Variants in OXCT1 observed in about 807,000 individuals in gnomAD.
OXCT1 encodes the protein 3-oxoacid CoA-transferase 1.
Under a neutral mutation model 69.6 loss-of-function variants are expected in OXCT1, and 27 were observed. That is an observed-to-expected ratio of 0.39 (90% CI 0.29 to 0.54). The LOEUF (loss-of-function observed/expected upper bound fraction) is 0.54, where lower values mean the gene tolerates loss of function less well. Among genes scored for constraint, OXCT1 ranks in the 20% least tolerant of loss-of-function variants. The pLI is 0.72. For synonymous variants in OXCT1, 202 were observed against 217.8 expected (o/e 0.93, Z 0.64); for missense variants, 437 against 650.2 (o/e 0.67, Z 3.57).
intron 13 of OXCT1, among the ~76,000 whole-genome samples, chr5:41,778,864 G>A (rs1349201275): frequency 1.3e-5 from 2 of 152,140 alleles, no homozygotes; most frequent in African/African-American, 4.8e-5. Flanking sequence ...GTTATAATTT[G>A]TCTTTCTTTT....
chr5:41,802,927 A>G, intron 10 of OXCT1, 142 bp downstream of exon 10: 2 of 663,516 alleles, frequency 3.0e-6, no homozygotes, highest in Non-Finnish European at 5.4e-6. Context: ...AGGTTTCAGC[A>G]TTATACAATT....
chr5:41,854,255 T>G (rs1250329139), intron 3 of OXCT1, among the ~76,000 whole-genome samples: 1 of 152,194 alleles, frequency 6.6e-6, no homozygotes, highest in Non-Finnish European at 1.5e-5. Context: ...TTATATATAC[T>G]ATAGTTTAAT....
intron 13 of OXCT1, among the ~76,000 whole-genome samples, chr5:41,765,685 A>C (rs1744564907): frequency 6.6e-6 from 1 of 152,156 alleles, no homozygotes; most frequent in Non-Finnish European, 1.5e-5. Context: ...ATGCTGTCCT[A>C]GGCAGAGTAA....
chr5:41,790,554 A>C (rs1745867612), intron 13 of OXCT1, among the ~76,000 whole-genome samples: 2 of 152,228 alleles, frequency 1.3e-5, no homozygotes, highest in Non-Finnish European at 2.9e-5. Context: ...CTGAAGGCTT[A>C]ATGTTTATTG....
At chr5:41,784,886 A>G (rs1745574173) in intron 13 of OXCT1, among the ~76,000 whole-genome samples, 1 of 152,198 alleles carries the variant, frequency 6.6e-6, no homozygotes, top group African/African-American at 2.4e-5. Context: ...AGTAAGAGAA[A>G]TTTTCCTGAC....
chr5:41,743,619 C>A (rs1179777758), intron 15 of OXCT1, among the ~76,000 whole-genome samples: 1 of 152,186 alleles, frequency 6.6e-6, no homozygotes, highest in Non-Finnish European at 1.5e-5. Context: ...TTAGGTCTAA[C>A]ATTTAACTCT....
chr5:41,850,226 T>A, intron 4 of OXCT1, 47 bp from the exon 5 acceptor site: 1 of 1,607,314 alleles, frequency 6.2e-7, no homozygotes, highest in Non-Finnish European at 8.5e-7. Flanking sequence ...AGCACACTTC[T>A]CTATGTGGAC....
At chr5:41,795,336 CA>C (rs1436274800) in intron 11 of OXCT1, among the ~76,000 whole-genome samples, 1 of 152,176 alleles carries the variant, frequency 6.6e-6, no homozygotes, top group African/African-American at 2.4e-5. Context: ...GTCCACAGCC[CA>C]GGGGTTAGGG....
At chr5:41,867,293 C>T (rs1345505338) in intron 1 of OXCT1, among the ~76,000 whole-genome samples, 5 of 152,114 alleles carry the variant, frequency 3.3e-5, no homozygotes, top group African/African-American at 9.7e-5. Flanking sequence ...ACCAACTATA[C>T]AAAATACTGG....
At chr5:41,809,420 G>A (rs942190625) in intron 7 of OXCT1, among the ~76,000 whole-genome samples, 1 of 151,984 alleles carries the variant, frequency 6.6e-6, no homozygotes, top group African/African-American at 2.4e-5. Context: ...AAAATAGAGA[G>A]TCTAAGAAAA....
chr5:41,778,369 T>A (rs77608458), intron 13 of OXCT1, among the ~76,000 whole-genome samples: 1 of 152,198 alleles, frequency 6.6e-6, no homozygotes, highest in African/African-American at 2.4e-5. Context: ...ATAATTCCAC[T>A]ACACTGGTTA....
At chr5:41,811,433 T>C (rs532713598) in intron 7 of OXCT1, among the ~76,000 whole-genome samples, 6 of 152,162 alleles carry the variant, frequency 3.9e-5, no homozygotes, top group African/African-American at 7.2e-5. Context: ...AGGTCTATCA[T>C]GTATCAAAAA....
At chr5:41,841,437 C>T (rs1015239223) in intron 6 of OXCT1, among the ~76,000 whole-genome samples, 1 of 152,126 alleles carries the variant, frequency 6.6e-6, no homozygotes, top group African/African-American at 2.4e-5. Context: ...GCAAAGGAGT[C>T]CCAAGTCCCC....
intron 7 of OXCT1, among the ~76,000 whole-genome samples, chr5:41,812,263 T>A (rs773427441): frequency 6.6e-6 from 1 of 152,016 alleles, no homozygotes. Context: ...TATATCCTGG[T>A]CTTTGAAGAA....
At chr5:41,803,188 C>T in intron 9 of OXCT1, 25 bp from the exon 10 acceptor site, 1 of 1,469,596 alleles carries the variant, frequency 6.8e-7, no homozygotes, top group Non-Finnish European at 9.5e-7. Flanking sequence ...TGTTAAGGTC[C>T]AGCATATAAA....
At chr5:41,787,654 A>G (rs1745706487) in intron 13 of OXCT1, among the ~76,000 whole-genome samples, 1 of 150,832 alleles carries the variant, frequency 6.6e-6, no homozygotes. Flanking sequence ...AAAAAAAAAA[A>G]AAAAGCCCAA....
chr5:41,812,711 A>AT (rs886742394), intron 7 of OXCT1, among the ~76,000 whole-genome samples: 2 of 151,730 alleles, frequency 1.3e-5, no homozygotes, highest in African/African-American at 4.8e-5. Context: ...GTTCAATTTT[A>AT]TTTTTTTTCC....
intron 4 of OXCT1, among the ~76,000 whole-genome samples, chr5:41,850,463 T>C (rs1203908381): frequency 6.6e-6 from 1 of 152,178 alleles, no homozygotes; most frequent in Non-Finnish European, 1.5e-5. Flanking sequence ...CACATTTAAA[T>C]GTGTCTATTT....
chr5:41,750,384 G>A (rs1160282957), intron 14 of OXCT1, among the ~76,000 whole-genome samples: 1 of 151,814 alleles, frequency 6.6e-6, no homozygotes, highest in African/African-American at 2.4e-5. Context: ...TGGCCTCTGA[G>A]GCATGTCTGA....
Sources: allele counts gnomAD v4.1 joint callset (sites outside exome capture counted in the v4.1 genomes callset), GRCh38; gene constraint gnomAD v4.1.1; transcripts MANE v1.5; gene names NCBI Gene and HGNC (gene_info 2026-07-23, HGNC 2026-07-21).